The following GABRB2 variants were observed in gnomAD, a reference collection of about 807,000 sequenced individuals.
GABRB2 encodes the protein gamma-aminobutyric acid receptor subunit beta-2.
A neutral mutation model predicts 54.7 loss-of-function variants in GABRB2; 16 were observed. That is an observed-to-expected ratio of 0.29 (90% CI 0.20 to 0.44). The LOEUF (loss-of-function observed/expected upper bound fraction) is 0.44, where lower values mean the gene tolerates loss of function less well. GABRB2 is among the 20% of genes least tolerant of loss of function. The pLI is 1.00. For synonymous variants in GABRB2, 244 were observed against 233.8 expected, an observed-to-expected ratio of 1.04 and a Z score of -0.40; for missense variants, 355 against 644.0, an observed-to-expected ratio of 0.55 and a Z score of 4.86.
upstream of GABRB2, chr5:161,546,910 A>C (rs1197869664): frequency 1.1e-5 from 6 of 528,638 alleles, no homozygotes; most frequent in Non-Finnish European, 1.7e-5. Flanking sequence ...ATCCAGAATA[A>C]AATTTTTGTT....
At chr5:161,332,122 C>T (rs1374815736) in intron 7 of GABRB2, among the ~76,000 whole-genome samples, 11 of 145,946 alleles carry the variant, frequency 7.5e-5, no homozygotes, top group South Asian at 6.5e-4. Context: ...GCCGAGATTG[C>T]GCCACTGCAC....
At chr5:161,458,776 C>T (rs1758038623) in intron 4 of GABRB2, among the ~76,000 whole-genome samples, 1 of 152,162 alleles carries the variant, frequency 6.6e-6, no homozygotes, top group Non-Finnish European at 1.5e-5. Flanking sequence ...AAGCACTTAG[C>T]TCAATGTCTG....
intron 4 of GABRB2, among the ~76,000 whole-genome samples, chr5:161,443,036 C>A (rs895365475): frequency 2.0e-5 from 3 of 152,098 alleles, no homozygotes; most frequent in Non-Finnish European, 4.4e-5. Flanking sequence ...AGCCCTTACC[C>A]TGATGTTCTC....
chr5:161,357,088 G>A (rs1754654018), intron 5 of GABRB2, among the ~76,000 whole-genome samples: 1 of 152,178 alleles, frequency 6.6e-6, no homozygotes. Context: ...TACGTACTAT[G>A]TTTGAAAATA....
intron 9 of GABRB2, among the ~76,000 whole-genome samples, chr5:161,320,733 T>C (rs1004039779): frequency 5.3e-5 from 8 of 151,958 alleles, no homozygotes; most frequent in African/African-American, 1.9e-4. Context: ...TTTTGTTGGA[T>C]TGGTTGCTAG....
At chr5:161,407,302 A>G (rs1390840105) in intron 5 of GABRB2, among the ~76,000 whole-genome samples, 1 of 152,144 alleles carries the variant, frequency 6.6e-6, no homozygotes. Flanking sequence ...TTTCAAAGAT[A>G]TATAATACTT....
At chr5:161,481,669 G>A (rs963716961) in intron 3 of GABRB2, among the ~76,000 whole-genome samples, 2 of 151,968 alleles carry the variant, frequency 1.3e-5, no homozygotes, top group African/African-American at 4.8e-5. Flanking sequence ...TATTAACCAT[G>A]TTTAGCTTTA....
At chr5:161,422,641 A>T (rs1014821872) in intron 4 of GABRB2, among the ~76,000 whole-genome samples, 3 of 152,154 alleles carry the variant, frequency 2.0e-5, no homozygotes, top group Non-Finnish European at 4.4e-5. Flanking sequence ...TATGGTGAAT[A>T]TGCATTTTTC....
chr5:161,503,709 CAAAAAA>C (rs33992062), intron 3 of GABRB2, among the ~76,000 whole-genome samples: 3 of 91,686 alleles, frequency 3.3e-5, no homozygotes, highest in Non-Finnish European at 6.9e-5. Flanking sequence ...AATTCCTTCT[CAAAAAA>C]AAAAAAAAAA....
chr5:161,426,356 A>C (rs1454566178), intron 4 of GABRB2, among the ~76,000 whole-genome samples: 1 of 152,164 alleles, frequency 6.6e-6, no homozygotes, highest in South Asian at 2.1e-4. Flanking sequence ...GAAGCTTTTA[A>C]TTACTTAGAG....
At position 161,293,862 on chromosome 5, in the gene GABRB2, T is replaced by A. The variant is rs1757301359; in HGVS notation, c.*219A>T. 2 of 539,116 alleles carry A rather than the reference T, an allele frequency of 3.7e-6. No homozygotes were observed. Among genetic ancestry groups the A allele is most frequent in the Non-Finnish European group, 6.6e-6 (2 of 302,118 alleles). The allele number at this position is 539,116 out of a possible 1,614,324, so 33.4% of individuals were successfully genotyped here. ...GCTGTCTAGCCACCATGTGTAAAAA[T>A]CACTTGCGTTTTAACTGGAAAACCA... On this transcript the variant is annotated 3_prime_UTR_variant, in exon 10 of 10. Coordinates refer to ENST00000393959, the MANE Select transcript of GABRB2 (RefSeq NM_001371727.1).
rs1323103279 is a variant in GABRB2, at chr5:161,326,475, A to T, written c.1084T>A (p.Tyr362Asn). 8 of 1,613,100 alleles carry T rather than the reference A, an allele frequency of 5.0e-6. No individual in the cohort carries two copies. The highest frequency in any genetic ancestry group is 5.9e-6 in the Non-Finnish European group (7 of 1,179,394). ...GTCCCATTTTGTTTAATATCTTTAT[A>T]AAAAATCTGGAAGACAAAGTAGAGA... Reference protein sequence around the residue: ...KMRLDVNKIFYKDIKQNGTQY... With the variant: ...KMRLDVNKIFNKDIKQNGTQY... The change falls in exon 9 of 10, where the codon TAT (tyrosine) becomes AAT (asparagine). Residue 362 changes from tyrosine to asparagine, a missense_variant. Around this residue, in one of 6 missense-constraint regions of GABRB2, gnomAD observed 201 missense variants for 228.1 expected, o/e 0.88. Coordinates refer to ENST00000393959, the MANE Select transcript of GABRB2 (RefSeq NM_001371727.1).
At chr5:161,340,737 G>A (rs895148778) in intron 5 of GABRB2, among the ~76,000 whole-genome samples, 1 of 151,816 alleles carries the variant, frequency 6.6e-6, no homozygotes, top group African/African-American at 2.4e-5. Context: ...TCAGTTGATA[G>A]TTATTCAAAT....
At chr5:161,296,849 T>C (rs930402399) in intron 9 of GABRB2, among the ~76,000 whole-genome samples, 3 of 152,202 alleles carry the variant, frequency 2.0e-5, no homozygotes, top group Non-Finnish European at 2.9e-5. Context: ...ATTTTTGACC[T>C]GGAAAAATTA....
chr5:161,477,614 A>C (rs1245632099), intron 3 of GABRB2, among the ~76,000 whole-genome samples: 1 of 151,944 alleles, frequency 6.6e-6, no homozygotes, highest in Non-Finnish European at 1.5e-5. Flanking sequence ...ATACAACGGC[A>C]TGTTTTTCAG....
At chr5:161,475,002 A>C (rs1210747596) in intron 3 of GABRB2, among the ~76,000 whole-genome samples, 5 of 151,944 alleles carry the variant, frequency 3.3e-5, no homozygotes, top group Non-Finnish European at 7.4e-5. Context: ...ATATGCATTC[A>C]GAGAAGGCAA....
chr5:161,461,280 G>A (rs949616967), intron 3 of GABRB2, among the ~76,000 whole-genome samples: 1 of 152,118 alleles, frequency 6.6e-6, no homozygotes, highest in Admixed American at 6.6e-5. Context: ...AATTCAGTCA[G>A]TTTATCATGA....
chr5:161,395,005 T>C (rs114187974), intron 5 of GABRB2, among the ~76,000 whole-genome samples: 79 of 152,258 alleles, frequency 5.2e-4, no homozygotes, highest in African/African-American at 1.8e-3. Context: ...CAATCTATAA[T>C]GGCTGCATAA....
intron 3 of GABRB2, among the ~76,000 whole-genome samples, chr5:161,514,872 C>T (rs1389511236): frequency 1.3e-5 from 2 of 152,148 alleles, no homozygotes; most frequent in Non-Finnish European, 2.9e-5. Context: ...TCTTTCTAAT[C>T]TCTACTTTCG....
Sources: allele counts gnomAD v4.1 joint callset (sites outside exome capture counted in the v4.1 genomes callset), GRCh38; gene constraint gnomAD v4.1.1; regional missense constraint gnomAD v4.1.1; transcripts MANE v1.5; gene names NCBI Gene and HGNC (gene_info 2026-07-23, HGNC 2026-07-21).